The following LRP2 variants were observed in gnomAD, a reference collection of about 807,000 sequenced individuals.
LRP2 encodes low-density lipoprotein receptor-related protein 2.
LRP2 carries 172 observed loss-of-function variants against 531.0 expected under a neutral mutation model. That is an observed-to-expected ratio of 0.32 (90% CI 0.29 to 0.37). The LOEUF is 0.37. Ranked by LOEUF, LRP2 falls within the 10% of genes least tolerant of loss-of-function variation. The pLI is 1.00. For synonymous variants in LRP2, 1,992 were observed against 2,027.6 expected, an observed-to-expected ratio of 0.98 and a Z score of 0.47; for missense variants, 5,167 against 5,868.3, an observed-to-expected ratio of 0.88 and a Z score of 3.90.
intron 19 of LRP2, among the ~76,000 whole-genome samples, chr2:169,255,366 T>C (rs1428893680): frequency 6.6e-6 from 1 of 152,114 alleles, no homozygotes; most frequent in Non-Finnish European, 1.5e-5. Flanking sequence ...GCTACATTCT[T>C]ATTCCCAGAA....
At chr2:169,129,158 G>T in intron 77 of LRP2, 74 bp from the exon 78 acceptor site, 1 of 1,110,862 alleles carries the variant, frequency 9.0e-7, no homozygotes, top group Non-Finnish European at 1.4e-6. Flanking sequence ...TCCTGTCTCA[G>T]TTTTAAAATT....
chr2:169,180,211 G>C (rs1391227960), intron 52 of LRP2, among the ~76,000 whole-genome samples: 2 of 152,140 alleles, frequency 1.3e-5, no homozygotes, highest in Admixed American at 1.3e-4. Flanking sequence ...TGAACATCTT[G>C]ATGCTTCTAC....
chr2:169,356,689 G>A (rs538710899), intron 1 of LRP2, among the ~76,000 whole-genome samples: 42 of 152,250 alleles, frequency 2.8e-4, no homozygotes, highest in Middle Eastern at 3.4e-3. Context: ...AAATTACTTC[G>A]GAAACATTTG....
intron 14 of LRP2, 85 bp from the exon 15 acceptor site, chr2:169,273,152 C>G: frequency 6.7e-7 from 1 of 1,492,590 alleles, no homozygotes; most frequent in Non-Finnish European, 9.3e-7. Flanking sequence ...CCCTTTTCAC[C>G]TATAGGTGAA....
intron 63 of LRP2, among the ~76,000 whole-genome samples, chr2:169,158,675 C>T (rs1472990276): frequency 6.8e-6 from 1 of 147,534 alleles, no homozygotes. Context: ...GACTGAAAAA[C>T]TCCATTTAGT....
chr2:169,231,010 G>A, intron 31 of LRP2, among the ~76,000 whole-genome samples: 1 of 152,084 alleles, frequency 6.6e-6, no homozygotes, highest in African/African-American at 2.4e-5. Flanking sequence ...ATGAGACAAT[G>A]GAGCCAGGTG....
chr2:169,243,498 C>T lies in LRP2; in HGVS notation c.3455G>A (p.Ser1152Asn). The T allele has an allele frequency of 6.2e-7, 1 of 1,614,152 alleles. No individual in the cohort carries two copies. The highest frequency in any genetic ancestry group is 1.3e-5 in the African/African-American group (1 of 75,046). Residue 1152 changes from serine (S) to asparagine (N), a missense_variant, in exon 23 of 79, where the codon AGT becomes AAT. By Grantham distance (46) the Ser-to-Asn change is conservative. Transcript: ENST00000649046. ...TCGATGATTGGGGCAATTAAACTGA[C>T]TAGGTTGGCATGTCTCTGTCGAATC... ...NCNSTETCQPSQFNCPNHRCI... is the reference protein window; with the variant it reads ...NCNSTETCQPNQFNCPNHRCI...
chr2:169,174,809 C>CTTT (rs36105004), intron 55 of LRP2, among the ~76,000 whole-genome samples: 51,688 of 127,866 alleles, frequency 0.4, 11,247 homozygotes, highest in Admixed American at 0.55. Context: ...TGTGCTCAGT[C>CTTT]TTTTTTTTTT....
At chr2:169,146,017 G>T (rs1685893207) in intron 69 of LRP2, 94 bp from the exon 70 acceptor site, 1 of 1,132,724 alleles carries the variant, frequency 8.8e-7, no homozygotes, top group South Asian at 1.3e-5. Context: ...ATGTCATTCT[G>T]CTTGAATTAT....
intron 77 of LRP2, among the ~76,000 whole-genome samples, chr2:169,130,631 T>A (rs1179586099): frequency 6.6e-6 from 1 of 152,204 alleles, no homozygotes; most frequent in Non-Finnish European, 1.5e-5. Flanking sequence ...GGATGAAAGA[T>A]ACATTTGTGG....
chr2:169,148,500 C>T (rs775219620), intron 68 of LRP2, among the ~76,000 whole-genome samples: 5 of 151,952 alleles, frequency 3.3e-5, no homozygotes, highest in African/African-American at 1.2e-4. Context: ...AGATAATAAG[C>T]CAGGCATGGT....
chr2:169,233,483 G>A lies in LRP2; in HGVS notation c.5026C>T (p.Gln1676Ter). 1 of 1,614,120 alleles carries A rather than the reference G, an allele frequency of 6.2e-7. No homozygotes were observed. The highest frequency in any genetic ancestry group is 8.5e-7 in the Non-Finnish European group (1 of 1,180,022). Reference sequence around the variant, plus strand: ...TGAATATTATACATTACAACTGACTGGTTCCCTCCATGCCACTTGTTGGCT... The same window carrying A: ...TGAATATTATACATTACAACTGACTAGTTCCCTCCATGCCACTTGTTGGCT... ...MRANKWHGGN[Q>*]SVVMYNIQWP... Residue 1676 changes from glutamine to a stop codon, truncating the protein, a stop_gained, in exon 30 of 79, where the codon CAG becomes TAG. Coordinates refer to ENST00000649046, the MANE Select transcript of LRP2 (RefSeq NM_004525.3). LOFTEE classifies it high-confidence loss of function.
chr2:169,207,674 T>C (rs1688444416), intron 38 of LRP2, among the ~76,000 whole-genome samples: 1 of 152,166 alleles, frequency 6.6e-6, no homozygotes, highest in South Asian at 2.1e-4. Context: ...ACCAGCAGCA[T>C]CTCAGGTTGT....
intron 26 of LRP2, 79 bp from the exon 27 acceptor site, chr2:169,238,381 T>C: frequency 1.9e-6 from 2 of 1,025,894 alleles, no homozygotes; most frequent in Non-Finnish European, 1.5e-6. Context: ...TTTGATTCAA[T>C]ACTTTTGGTA....
chr2:169,198,964 T>C (rs1688096983), intron 44 of LRP2, 53 bp from the exon 45 acceptor site: 2 of 1,575,934 alleles, frequency 1.3e-6, no homozygotes, highest in East Asian at 2.3e-5. Context: ...AAATATGTAT[T>C]ATGAACAGTA....
chr2:169,189,931 GA>G (rs1687773547), intron 48 of LRP2, among the ~76,000 whole-genome samples: 2 of 152,090 alleles, frequency 1.3e-5, no homozygotes, highest in Non-Finnish European at 2.9e-5. Context: ...AGGGAGAGAG[GA>G]AATGTTACTG....
At chr2:169,259,821 A>C (rs1449624944) in intron 16 of LRP2, among the ~76,000 whole-genome samples, 3 of 152,026 alleles carry the variant, frequency 2.0e-5, no homozygotes, top group African/African-American at 4.8e-5. Flanking sequence ...TTTTCACTAA[A>C]GAAAATCTGA....
At chr2:169,235,247 T>TAAA (rs1243878384) in intron 29 of LRP2, among the ~76,000 whole-genome samples, 6,188 of 151,086 alleles carry the variant, frequency 0.041, 335 homozygotes, top group African/African-American at 0.13. Flanking sequence ...AAAAAAATTT[T>TAAA]TTTTTTTTTT....
intron 9 of LRP2, among the ~76,000 whole-genome samples, chr2:169,288,576 T>C (rs879313329): frequency 3.9e-5 from 6 of 151,950 alleles, no homozygotes; most frequent in Non-Finnish European, 8.8e-5. Context: ...AACAACTCTT[T>C]AGTTGTGGGA....
Sources: allele counts gnomAD v4.1 joint callset (sites outside exome capture counted in the v4.1 genomes callset), GRCh38; gene constraint gnomAD v4.1.1; transcripts MANE v1.5; gene names NCBI Gene and HGNC (gene_info 2026-07-23, HGNC 2026-07-21).